RGPD4: variants seen among roughly 807,000 people sequenced by gnomAD.
The protein encoded by RGPD4 is RANBP2 like and GRIP domain containing 4.
Under a neutral mutation model 141.1 loss-of-function variants are expected in RGPD4, and 84 were observed. The ratio of observed to expected loss-of-function variants is 0.60; its 90% CI spans 0.50 to 0.71. RGPD4 has a LOEUF of 0.71. Among genes scored for constraint, RGPD4 ranks in the 30% least tolerant of loss-of-function variants. The pLI is 0.00. For synonymous variants in RGPD4, 298 were observed against 566.8 expected (o/e 0.53, Z 6.74); for missense variants, 918 against 1,622.4 (o/e 0.57, Z 7.46).
chr2:107,861,693 A>G lies in RGPD4; in HGVS notation c.2158A>G (p.Ile720Val). 1.2e-6 allele frequency: 2 copies of G among 1,600,480 alleles called. No homozygotes were observed. Among genetic ancestry groups the G allele is most frequent in the East Asian group, 2.3e-5 (1 of 44,168 alleles). Residue 720 changes from isoleucine to valine, a missense_variant, in exon 15 of 23, where the codon ATA becomes GTA. Physicochemically the swap from Ile to Val is conservative, Grantham distance 29. Transcript: ENST00000408999. ...NYLRKTRGYLIKILDDSDSNL... is the reference protein window; with the variant it reads ...NYLRKTRGYLVKILDDSDSNL... ...TCTGAGAAAGACCAGGGGCTACCTA[A>G]TAAAGATTTTAGATGACAGTGATTC...
chr2:107,844,827 T>C (rs868448054), intron 6 of RGPD4, among the ~76,000 whole-genome samples: 59 of 75,126 alleles, frequency 7.9e-4, no homozygotes, highest in East Asian at 1.4e-3. Flanking sequence ...TTCTTTCTTT[T>C]TTGTTTTTTT....
At chr2:107,831,749 T>C (rs1333957039) in intron 1 of RGPD4, among the ~76,000 whole-genome samples, 1 of 147,038 alleles carries the variant, frequency 6.8e-6, no homozygotes, top group Non-Finnish European at 1.5e-5. Flanking sequence ...TTTTTAGTGT[T>C]TTTAGTAGAG....
chr2:107,890,684 T>A, intron 22 of RGPD4, 37 bp from the exon 23 acceptor site: 1 of 1,575,082 alleles, frequency 6.3e-7, no homozygotes, highest in Non-Finnish European at 8.6e-7. Flanking sequence ...ATTTTAATAC[T>A]CTCTTTTTTC....
chr2:107,849,406 G>A (rs1202749494), intron 7 of RGPD4, among the ~76,000 whole-genome samples: 9 of 107,090 alleles, frequency 8.4e-5, no homozygotes, highest in Non-Finnish European at 1.1e-4. Flanking sequence ...TCGCTCTGTC[G>A]CCCAGGCTGG....
At chr2:107,882,503 T>C (rs1324891913) in intron 21 of RGPD4, among the ~76,000 whole-genome samples, 169 bp from the exon 22 acceptor site, 7 of 149,788 alleles carry the variant, frequency 4.7e-5, no homozygotes, top group Admixed American at 4.7e-4. Context: ...TAAACTCCTT[T>C]GAAATGCTTC....
chr2:107,882,942 TTGTC>T (rs1316216672), intron 22 of RGPD4, 69 bp downstream of exon 22: 16 of 906,904 alleles, frequency 1.8e-5, no homozygotes, highest in Non-Finnish European at 2.4e-5. Flanking sequence ...GGTTGAGAAG[TTGTC>T]TGTATGTGTA....
chr2:107,833,247 AG>A (rs1681558119), intron 1 of RGPD4, among the ~76,000 whole-genome samples: 1 of 151,888 alleles, frequency 6.6e-6, no homozygotes, highest in Admixed American at 6.6e-5. Flanking sequence ...AAAAAAAAAA[AG>A]AGAGAAATTT....
Position 107,828,837 on chromosome 2 carries a change from C to T in RGPD4, c.72+1752C>T, listed in dbSNP as rs1315096957. Among the ~76,000 whole-genome samples, 69 of 13,856 alleles carry T rather than the reference C, an allele frequency of 5.0e-3. 1 individual carries two copies. The highest frequency in any genetic ancestry group is 0.026 in the African/African-American group (52 of 1,994). The allele number at this position is 13,856 out of a possible 152,430, so 9.1% of individuals were successfully genotyped here. Reference sequence around the variant, plus strand: ...CGGCGGCCTCGACCCGGCCCGGCGGCGGCCTCGATGGCTCAGGCGTCATGG... The same window carrying T: ...CGGCGGCCTCGACCCGGCCCGGCGGTGGCCTCGATGGCTCAGGCGTCATGG... On this transcript the variant is annotated intron_variant, in intron 1 of 22. Transcript: ENST00000408999.
At chr2:107,845,669 T>G (rs1681902160) in intron 6 of RGPD4, among the ~76,000 whole-genome samples, 1 of 152,292 alleles carries the variant, frequency 6.6e-6, no homozygotes, top group African/African-American at 2.4e-5. Flanking sequence ...GTTCACACCA[T>G]TCTTCTGCCT....
At chr2:107,882,960 T>G (rs1675408426) in intron 22 of RGPD4, 87 bp downstream of exon 22, 2 of 789,280 alleles carry the variant, frequency 2.5e-6, no homozygotes, top group African/African-American at 3.6e-5. Flanking sequence ...ATGTGTAACT[T>G]TTCAATTTTG....
intron 6 of RGPD4, among the ~76,000 whole-genome samples, chr2:107,845,809 C>T (rs1261495258): frequency 2.0e-5 from 3 of 151,988 alleles, no homozygotes; most frequent in Non-Finnish European, 4.4e-5. Context: ...CGTGATCTGC[C>T]CTCCTCGGCC....
At chr2:107,846,704 G>T (rs888741803) in intron 6 of RGPD4, among the ~76,000 whole-genome samples, 1 of 149,976 alleles carries the variant, frequency 6.7e-6, no homozygotes, top group African/African-American at 2.5e-5. Context: ...CTGACCTCAG[G>T]TGATCCACCC....
chr2:107,829,553 G>A (rs1206163513), intron 1 of RGPD4, among the ~76,000 whole-genome samples: 12 of 148,150 alleles, frequency 8.1e-5, no homozygotes, highest in East Asian at 6.0e-4. Context: ...ACCTGGCCCG[G>A]CGGCGGCCTC....
chr2:107,852,344 T>A (rs1262287552), intron 7 of RGPD4, among the ~76,000 whole-genome samples: 1 of 151,924 alleles, frequency 6.6e-6, no homozygotes, highest in African/African-American at 2.4e-5. Flanking sequence ...GTTGAATAAT[T>A]TTGTAAAAGA....
At chr2:107,828,502 G>A (rs1260330248) in intron 1 of RGPD4, among the ~76,000 whole-genome samples, 1 of 107,900 alleles carries the variant, frequency 9.3e-6, no homozygotes. Flanking sequence ...CGGCGGCCTC[G>A]ACCCGGCCCG....
rs748859920 is a variant in RGPD4, at chr2:107,827,049, C to G, written c.36C>G (p.Val12=). The part of the protein sequence containing the change: ...SCSKAYGERY[V]ASVQGSAPSP... ...GCAAGGCCTACGGGGAGCGGTACGT[C>G]GCCTCCGTGCAGGGCTCCGCCCCGT... Residue 12 remains valine (V), a synonymous_variant, in exon 1 of 23, where the codon GTC becomes GTG. Transcript: ENST00000408999. 3 of 1,597,726 alleles carry G rather than the reference C, an allele frequency of 1.9e-6. No individual in the cohort carries two copies. The African/African-American group carries it at 4.0e-5, about 21-fold the overall frequency.
At chr2:107,855,494 T>C (rs940243205) in intron 8 of RGPD4, among the ~76,000 whole-genome samples, 42 of 152,246 alleles carry the variant, frequency 2.8e-4, no homozygotes, top group African/African-American at 9.6e-4. Flanking sequence ...CACAGTTAGA[T>C]AAAAATTGCC....
In RGPD4 at chr2:107,827,007, T is replaced by G. The variant is rs1195597964; in HGVS notation, c.-7T>G. On this transcript the variant is annotated 5_prime_UTR_variant, in exon 1 of 23. Transcript: ENST00000408999. ...TCACGCGTCTCGGGAGCCAGGTTGG[T>G]GGCGCGATGAGTTGCAGCAAGGCCT... 6.3e-7 allele frequency: 1 copy of G among 1,597,280 alleles called. No homozygotes were observed. The highest frequency in any genetic ancestry group is 8.5e-7 in the Non-Finnish European group (1 of 1,173,556).
rs778990309 is a variant in RGPD4 at position 107,879,970 on chromosome 2, C to A, written c.4927C>A (p.Pro1643Thr). The change falls in exon 21 of 23, where the codon CCT becomes ACT. Residue 1643 changes from proline to threonine, a missense_variant and splice_region_variant. Physicochemically the swap from Pro to Thr is conservative, Grantham distance 38. Transcript: ENST00000408999. ...NYTFKTPEKE[P>T]PLWHAEFTKE... ...ATTCTTGGAACAACATGTTGCAGAG[C>A]CTCCATTATGGCATGCTGAATTTAC... The A allele has an allele frequency of 6.2e-6, 10 of 1,610,764 alleles. No individual in the cohort carries two copies. The highest frequency in any genetic ancestry group is 8.5e-6 in the Non-Finnish European group (10 of 1,179,696).
Sources: allele counts gnomAD v4.1 joint callset (sites outside exome capture counted in the v4.1 genomes callset), GRCh38; gene constraint gnomAD v4.1.1; transcripts MANE v1.5; gene names NCBI Gene and HGNC (gene_info 2026-07-23, HGNC 2026-07-21).